Variants in NTN4 observed in about 807,000 individuals in gnomAD.
NTN4 encodes netrin-4.
NTN4 carries 32 observed loss-of-function variants against 73.6 expected under a neutral mutation model. That is an observed-to-expected ratio of 0.44 (90% CI 0.33 to 0.58). NTN4 has a LOEUF of 0.58. NTN4 is among the 20% of genes least tolerant of loss of function. NTN4 has a pLI of 0.04. For missense variants in NTN4, 654 were observed against 798.3 expected (o/e 0.82, Z 2.18); for synonymous variants, 258 against 287.5 (o/e 0.90, Z 1.04).
chr12:95,697,422 G>A (rs1259678480), intron 5 of NTN4, among the ~76,000 whole-genome samples: 1 of 152,062 alleles, frequency 6.6e-6, no homozygotes, highest in African/African-American at 2.4e-5. Context: ...AAATTTCCTG[G>A]ATAATCTGAC....
At chr12:95,761,626 C>G (rs1323971861) in intron 2 of NTN4, among the ~76,000 whole-genome samples, 1 of 152,108 alleles carries the variant, frequency 6.6e-6, no homozygotes, top group Non-Finnish European at 1.5e-5. Flanking sequence ...AGCCACCGTG[C>G]CCAGCCCAAA....
At position 95,658,198 on chromosome 12, in the gene NTN4, T is replaced by C. The variant is rs1231164648; in HGVS notation, c.*888A>G. 1.3e-5 allele frequency: 2 copies of C among 152,232 alleles called. No homozygotes were observed. Among genetic ancestry groups the C allele is most frequent in the Non-Finnish European group, 2.9e-5 (2 of 68,034 alleles). The allele number at this position is 152,232 out of a possible 1,614,324, so 9.4% of individuals were successfully genotyped here. A position where few individuals can be genotyped will look rare whatever the true frequency, so the allele number is the denominator to read the frequency against. The stretch of plus-strand genomic sequence containing the variant: ...ATTTTTGAAGTGTATACAAGTGCAT[T>C]GCAAATGAGCTCTTTAAAATTTAAA... On this transcript the variant is annotated 3_prime_UTR_variant, in exon 10 of 10. Coordinates refer to ENST00000343702, the MANE Select transcript of NTN4 (RefSeq NM_021229.4).
chr12:95,711,217 T>TA (rs1224874710), intron 4 of NTN4, among the ~76,000 whole-genome samples: 3 of 151,892 alleles, frequency 2.0e-5, no homozygotes, highest in Admixed American at 6.6e-5. Context: ...GGCTGTTAAT[T>TA]AAAAAAAATA....
At chr12:95,735,902 A>AT (rs1565901266) in intron 3 of NTN4, among the ~76,000 whole-genome samples, 29 of 132,842 alleles carry the variant, frequency 2.2e-4, no homozygotes, top group African/African-American at 7.8e-4. Flanking sequence ...ATTTTTTTTA[A>AT]ATTTTTATTT....
chr12:95,779,712 G>A (rs1288002519), intron 2 of NTN4, among the ~76,000 whole-genome samples: 21 of 152,050 alleles, frequency 1.4e-4, no homozygotes, highest in Admixed American at 8.5e-4. Flanking sequence ...AATCAATATC[G>A]TGAAAATGGC....
chr12:95,665,709 T>C (rs1039464439), intron 9 of NTN4, 101 bp downstream of exon 9: 1 of 878,502 alleles, frequency 1.1e-6, no homozygotes, highest in South Asian at 2.1e-5. Context: ...GGGAGAGATG[T>C]TCTTGCTGAG....
At chr12:95,702,297 A>AG (rs2078490848) in intron 5 of NTN4, among the ~76,000 whole-genome samples, 3 of 148,414 alleles carry the variant, frequency 2.0e-5, no homozygotes, top group African/African-American at 7.7e-5. Context: ...CAAAAAAAAA[A>AG]CAAAAAAAAA....
intron 9 of NTN4, among the ~76,000 whole-genome samples, chr12:95,662,282 G>A (rs972287084): frequency 1.4e-4 from 18 of 132,814 alleles, no homozygotes; most frequent in East Asian, 6.9e-4. Context: ...CCAGGCTGAC[G>A]TGCAGTGGCA....
intron 7 of NTN4, among the ~76,000 whole-genome samples, chr12:95,678,410 A>T (rs574926661): frequency 1.3e-5 from 2 of 152,014 alleles, no homozygotes; most frequent in East Asian, 1.9e-4. Context: ...CAAATACCAC[A>T]TTGATAGATT....
At chr12:95,747,120 T>C (rs1416728578) in intron 2 of NTN4, among the ~76,000 whole-genome samples, 3 of 152,182 alleles carry the variant, frequency 2.0e-5, no homozygotes, top group African/African-American at 7.2e-5. Flanking sequence ...GTTAGAAGTA[T>C]AGTTATATTT....
intron 7 of NTN4, chr12:95,672,234 G>A (rs1362951186): frequency 1.3e-5 from 8 of 615,148 alleles, no homozygotes; most frequent in African/African-American, 1.1e-4. Flanking sequence ...GGGAGGGGAG[G>A]CGGGGGCAGG....
intron 5 of NTN4, among the ~76,000 whole-genome samples, chr12:95,708,388 C>T (rs910491702): frequency 6.6e-6 from 1 of 151,374 alleles, no homozygotes; most frequent in African/African-American, 2.4e-5. Context: ...CCCGGGTTCA[C>T]GCCATTCTCC....
intron 5 of NTN4, among the ~76,000 whole-genome samples, chr12:95,686,112 G>A (rs1401195751): frequency 6.6e-6 from 1 of 151,870 alleles, no homozygotes; most frequent in African/African-American, 2.4e-5. Context: ...AGGCAGTCTT[G>A]AACTCCTGGG....
chr12:95,681,696 T>C (rs1345122119), intron 7 of NTN4, among the ~76,000 whole-genome samples: 1 of 152,176 alleles, frequency 6.6e-6, no homozygotes, highest in Non-Finnish European at 1.5e-5. Context: ...CATACCACTA[T>C]CATGGCATGC....
At chr12:95,779,059 A>C (rs1448374084) in intron 2 of NTN4, among the ~76,000 whole-genome samples, 1 of 152,226 alleles carries the variant, frequency 6.6e-6, no homozygotes, top group East Asian at 1.9e-4. Context: ...GACAAAAACC[A>C]CATTATTATC....
At chr12:95,686,008 C>A (rs1192269229) in intron 5 of NTN4, among the ~76,000 whole-genome samples, 2 of 152,172 alleles carry the variant, frequency 1.3e-5, no homozygotes, top group Admixed American at 1.3e-4. Flanking sequence ...ACCTCAGCCT[C>A]CCAAGTAGCT....
intron 2 of NTN4, among the ~76,000 whole-genome samples, chr12:95,764,437 A>AGTG (rs1565912527): frequency 2.6e-5 from 4 of 152,174 alleles, no homozygotes; most frequent in Non-Finnish European, 5.9e-5. Context: ...GGCCGAGGCC[A>AGTG]GCGGATCACC....
intron 2 of NTN4, among the ~76,000 whole-genome samples, chr12:95,751,451 A>G (rs1214184407): frequency 2.0e-5 from 3 of 152,218 alleles, no homozygotes; most frequent in Admixed American, 6.5e-5. Flanking sequence ...AGCTTGCTAC[A>G]TATGCTGGAA....
At chr12:95,763,666 T>C (rs952406575) in intron 2 of NTN4, among the ~76,000 whole-genome samples, 2 of 152,244 alleles carry the variant, frequency 1.3e-5, no homozygotes, top group South Asian at 2.1e-4. Flanking sequence ...TCTAGACATT[T>C]TCCTCTCCAC....
Sources: allele counts gnomAD v4.1 joint callset (sites outside exome capture counted in the v4.1 genomes callset), GRCh38; gene constraint gnomAD v4.1.1; transcripts MANE v1.5; gene names NCBI Gene and HGNC (gene_info 2026-07-23, HGNC 2026-07-21).